RORA: variants seen among roughly 807,000 people sequenced by gnomAD.
RORA encodes the protein RAR related orphan receptor A.
RORA carries 7 observed loss-of-function variants against 69.5 expected under a neutral mutation model. The ratio of observed to expected loss-of-function variants is 0.10; its 90% CI spans 0.06 to 0.19. The LOEUF (loss-of-function observed/expected upper bound fraction) is 0.19, where lower values mean the gene tolerates loss of function less well. Ranked by LOEUF, RORA falls within the 10% of genes least tolerant of loss-of-function variation. The probability of loss-of-function intolerance (pLI) is 1.00; values close to 1 mark genes in which losing one functional copy is unlikely to be tolerated. For synonymous variants in RORA, 261 were observed against 240.8 expected, an observed-to-expected ratio of 1.08 and a Z score of -0.78; for missense variants, 457 against 663.0, an observed-to-expected ratio of 0.69 and a Z score of 3.41.
intron 1 of RORA, among the ~76,000 whole-genome samples, chr15:60,864,884 G>A (rs1167230890): frequency 6.6e-6 from 1 of 152,188 alleles, no homozygotes; most frequent in Non-Finnish European, 1.5e-5. Flanking sequence ...AAGTCACAGA[G>A]CACCAAGTAA....
chr15:60,950,102 C>A (rs943605714), intron 1 of RORA, among the ~76,000 whole-genome samples: 1 of 151,368 alleles, frequency 6.6e-6, no homozygotes, highest in African/African-American at 2.4e-5. Flanking sequence ...GGCAGAAACC[C>A]TACAAGCCAG....
intron 2 of RORA, among the ~76,000 whole-genome samples, chr15:60,665,182 A>C (rs2070362226): frequency 1.3e-5 from 2 of 152,254 alleles, no homozygotes; most frequent in Admixed American, 6.5e-5. Flanking sequence ...CTACTTCAGA[A>C]ACTGTTAAAC....
At chr15:60,776,708 A>C (rs779100952) in intron 1 of RORA, among the ~76,000 whole-genome samples, 14 of 152,154 alleles carry the variant, frequency 9.2e-5, no homozygotes, top group Non-Finnish European at 1.8e-4. Flanking sequence ...AGGGGAGTGG[A>C]GTTCTTGTAA....
At chr15:60,741,646 T>C (rs1291481264) in intron 1 of RORA, among the ~76,000 whole-genome samples, 3 of 152,170 alleles carry the variant, frequency 2.0e-5, no homozygotes, top group African/African-American at 4.8e-5. Flanking sequence ...TAATTCCTCA[T>C]AGCAGATCTA....
At chr15:61,136,131 G>A (rs1350948731) in intron 1 of RORA, among the ~76,000 whole-genome samples, 2 of 152,088 alleles carry the variant, frequency 1.3e-5, no homozygotes, top group African/African-American at 4.8e-5. Flanking sequence ...TCTTGAAAGG[G>A]GGTGGAAGAG....
chr15:60,704,246 C>T (rs1342630446), intron 1 of RORA, among the ~76,000 whole-genome samples: 2 of 152,230 alleles, frequency 1.3e-5, no homozygotes, highest in African/African-American at 4.8e-5. Flanking sequence ...TTCTCTGGTG[C>T]TTTTTCATGG....
intron 2 of RORA, among the ~76,000 whole-genome samples, chr15:60,615,745 T>C (rs2069224659): frequency 1.3e-5 from 2 of 152,196 alleles, no homozygotes; most frequent in African/African-American, 4.8e-5. Context: ...AATCAACGCA[T>C]GGCAACCAGT....
chr15:60,855,106 C>T (rs2073365390), intron 1 of RORA, among the ~76,000 whole-genome samples: 1 of 152,184 alleles, frequency 6.6e-6, no homozygotes, highest in Admixed American at 6.5e-5. Flanking sequence ...GGGATGCTCT[C>T]GGCACTGTTT....
intron 2 of RORA, among the ~76,000 whole-genome samples, chr15:60,640,161 T>C (rs758126532): frequency 5.3e-5 from 8 of 152,350 alleles, no homozygotes; most frequent in Non-Finnish European, 1.0e-4. Flanking sequence ...CTAGGATTCA[T>C]GTGAGGAGTA....
At chr15:61,096,991 A>G (rs147550925) in intron 1 of RORA, among the ~76,000 whole-genome samples, 1 of 152,360 alleles carries the variant, frequency 6.6e-6, no homozygotes, top group Non-Finnish European at 1.5e-5. Flanking sequence ...ACAAAAAATA[A>G]AAAATAGTGA....
chr15:60,676,891 T>C (rs1362798122), intron 2 of RORA, among the ~76,000 whole-genome samples: 1 of 152,256 alleles, frequency 6.6e-6, no homozygotes, highest in African/African-American at 2.4e-5. Context: ...ATGGACTGTC[T>C]GTATACTAGG....
intron 1 of RORA, among the ~76,000 whole-genome samples, chr15:60,832,305 C>T (rs922184023): frequency 6.6e-6 from 1 of 152,144 alleles, no homozygotes; most frequent in Non-Finnish European, 1.5e-5. Context: ...CAGGAATTTT[C>T]CTGGTTTTAG....
At chr15:61,082,966 C>T (rs2078567376) in intron 1 of RORA, among the ~76,000 whole-genome samples, 1 of 152,084 alleles carries the variant, frequency 6.6e-6, no homozygotes, top group African/African-American at 2.4e-5. Flanking sequence ...AAAAATAGAA[C>T]CAGGCTGGGA....
intron 1 of RORA, among the ~76,000 whole-genome samples, chr15:60,717,356 C>T (rs2140818053): frequency 6.6e-6 from 1 of 152,306 alleles, no homozygotes; most frequent in Admixed American, 6.5e-5. Context: ...CAGAACAGTG[C>T]CTTGTACGCA....
At chr15:60,582,053 C>T (rs1158290328) in intron 2 of RORA, among the ~76,000 whole-genome samples, 2 of 152,100 alleles carry the variant, frequency 1.3e-5, no homozygotes. Context: ...ACTGCCCCCG[C>T]CCCTTGGTTT....
intron 1 of RORA, among the ~76,000 whole-genome samples, chr15:61,117,254 C>T (rs1422078788): frequency 1.3e-5 from 2 of 149,528 alleles, no homozygotes; most frequent in African/African-American, 4.9e-5. Context: ...GATTGCAAGG[C>T]ACAAAGATTC....
At position 61,113,210 on chromosome 15, in the gene RORA, G is replaced by T. The variant is rs147867980; in HGVS notation, c.166+115843C>A. Among the ~76,000 whole-genome samples the T allele has an allele frequency of 8.5e-5, 13 of 152,352 alleles. No individual in the cohort carries two copies. In the East Asian group the frequency reaches 2.5e-3, roughly 29 times the overall value. On this transcript the variant is annotated intron_variant, in intron 1 of 10. Coordinates refer to ENST00000335670, the MANE Select transcript of RORA (RefSeq NM_134261.3). ...TCTAACCTTACAAGGTAAGTGTTCT[G>T]CTCTTTCTAGTTAGTACAGAAATGC...
chr15:60,698,545 C>T (rs1024672390), intron 1 of RORA, among the ~76,000 whole-genome samples: 1 of 151,830 alleles, frequency 6.6e-6, no homozygotes, highest in African/African-American at 2.4e-5. Flanking sequence ...TAATCATAGC[C>T]CTTTATGTCA....
intron 1 of RORA, among the ~76,000 whole-genome samples, chr15:60,770,646 T>C (rs982108991): frequency 2.6e-5 from 4 of 152,180 alleles, no homozygotes; most frequent in Non-Finnish European, 4.4e-5. Flanking sequence ...CAGTCTCATT[T>C]TGTTGCCCAG....
Sources: gnomAD v4.1 joint callset for allele counts (sites outside exome capture counted in the v4.1 genomes callset) on GRCh38, gnomAD v4.1.1 for gene constraint, MANE v1.5 for transcripts, NCBI Gene and HGNC (gene_info 2026-07-23, HGNC 2026-07-21) for gene names.